Variants in DOCK10 observed in about 807,000 individuals in gnomAD.
The protein encoded by DOCK10 is dedicator of cytokinesis 10.
In DOCK10, 145 loss-of-function variants were observed where a neutral mutation model predicts 280.1. The ratio of observed to expected loss-of-function variants is 0.52; its 90% confidence interval spans 0.45 to 0.59. The LOEUF is 0.59. Among genes scored for constraint, DOCK10 ranks in the 20% least tolerant of loss-of-function variants. DOCK10 has a pLI of 0.00. For missense variants in DOCK10, 2,368 were observed against 2,651.7 expected (o/e 0.89, Z 2.35); for synonymous variants, 915 against 942.2 (o/e 0.97, Z 0.53).
At chr2:225,002,866 A>G (rs1477524338) in intron 1 of DOCK10, among the ~76,000 whole-genome samples, 1 of 152,112 alleles carries the variant, frequency 6.6e-6, no homozygotes, top group Non-Finnish European at 1.5e-5. Context: ...AGCAGGTGGC[A>G]TCTCGTCACC....
chr2:224,874,566 G>A (rs1052134865), intron 9 of DOCK10, 100 bp downstream of exon 9: 1 of 1,208,208 alleles, frequency 8.3e-7, no homozygotes, highest in Non-Finnish European at 1.2e-6. Flanking sequence ...TTAGCTTCTT[G>A]GTCTAAATCT....
At chr2:224,957,975 G>A (rs1042358172) in intron 1 of DOCK10, among the ~76,000 whole-genome samples, 4 of 152,222 alleles carry the variant, frequency 2.6e-5, no homozygotes, top group Non-Finnish European at 5.9e-5. Flanking sequence ...ATGTCATTGG[G>A]ACTGTGGTGT....
At chr2:224,994,600 C>T (rs1386800463) in intron 1 of DOCK10, among the ~76,000 whole-genome samples, 1 of 152,212 alleles carries the variant, frequency 6.6e-6, no homozygotes, top group Non-Finnish European at 1.5e-5. Context: ...TATGGTCTGA[C>T]ACTTAATCAT....
chr2:224,848,428 A>G (rs1696507564), intron 19 of DOCK10, among the ~76,000 whole-genome samples: 1 of 152,214 alleles, frequency 6.6e-6, no homozygotes, highest in South Asian at 2.1e-4. Flanking sequence ...GCTAACATGT[A>G]TATAGTAATT....
intron 1 of DOCK10, among the ~76,000 whole-genome samples, chr2:224,964,154 A>C (rs1371276588): frequency 6.6e-6 from 1 of 152,246 alleles, no homozygotes; most frequent in East Asian, 1.9e-4. Flanking sequence ...GGTGAAATTT[A>C]GATGACTGTA....
chr2:224,890,096 C>T (rs2125788019), intron 4 of DOCK10, among the ~76,000 whole-genome samples: 1 of 152,312 alleles, frequency 6.6e-6, no homozygotes. Flanking sequence ...AGTGGAATGT[C>T]AACATTTGGC....
At chr2:224,964,939 C>A (rs887443998) in intron 1 of DOCK10, among the ~76,000 whole-genome samples, 1 of 152,316 alleles carries the variant, frequency 6.6e-6, no homozygotes, top group South Asian at 2.1e-4. Context: ...GTCCACTAAA[C>A]TACCAAGTTA....
chr2:224,794,102 C>T (rs56802578), intron 45 of DOCK10, among the ~76,000 whole-genome samples: 2,754 of 152,312 alleles, frequency 0.018, 88 homozygotes, highest in African/African-American at 0.063. Context: ...GAAATTTCAT[C>T]ATTTTCAGAG....
intron 1 of DOCK10, among the ~76,000 whole-genome samples, chr2:224,960,610 A>C (rs1466910476): frequency 6.6e-6 from 1 of 151,854 alleles, no homozygotes; most frequent in East Asian, 1.9e-4. Context: ...ATACCCTTCC[A>C]TGCAACTTTA....
At chr2:224,899,954 G>A (rs1036980873) in intron 3 of DOCK10, among the ~76,000 whole-genome samples, 5 of 152,160 alleles carry the variant, frequency 3.3e-5, no homozygotes, top group East Asian at 1.9e-4. Flanking sequence ...GATCTTGGTC[G>A]AGACATTTTA....
At chr2:225,003,858 T>C (rs193229270) in intron 1 of DOCK10, among the ~76,000 whole-genome samples, 81 of 152,298 alleles carry the variant, frequency 5.3e-4, no homozygotes, top group Non-Finnish European at 8.8e-4. Context: ...ACTTGTTCAG[T>C]GGCAATTGGA....
chr2:224,770,654 A>C lies in DOCK10; in HGVS notation c.6205-9T>G. On this transcript the variant is annotated splice_polypyrimidine_tract_variant and intron_variant, in intron 53 of 55. Transcript: ENST00000258390. The surrounding 1 kb of genome is among the most constrained non-coding windows in gnomAD (Gnocchi z 4.5). ...ATTGGCCCAGCATTAACCTGTTGAGAAGAAAATTGGTGAAGGATGATCTAC... is the reference window on the plus strand; with the variant it reads ...ATTGGCCCAGCATTAACCTGTTGAGCAGAAAATTGGTGAAGGATGATCTAC... 6.2e-7 allele frequency: 1 copy of C among 1,604,638 alleles called. No individual in the cohort carries two copies. The highest frequency in any genetic ancestry group is 1.1e-5 in the South Asian group (1 of 90,862).
intron 1 of DOCK10, among the ~76,000 whole-genome samples, chr2:225,014,081 A>ATATATATATATTT (rs776104946): frequency 1.0e-5 from 1 of 96,824 alleles, no homozygotes; most frequent in South Asian, 3.6e-4. Context: ...GTCTGAATAT[A>ATATATATATATTT]TTGTTTTTTT....
At chr2:224,880,656 T>A (rs1698925989) in intron 7 of DOCK10, among the ~76,000 whole-genome samples, 1 of 152,206 alleles carries the variant, frequency 6.6e-6, no homozygotes, top group Non-Finnish European at 1.5e-5. Context: ...ATATGTCTTA[T>A]TGTCATGATA....
chr2:224,888,845 AAT>A (rs1559669958), intron 4 of DOCK10, among the ~76,000 whole-genome samples: 3 of 151,812 alleles, frequency 2.0e-5, no homozygotes, highest in Non-Finnish European at 2.9e-5. Flanking sequence ...TGTATGTGTG[AAT>A]ATATTTGTGT....
At chr2:225,000,189 G>GTC (rs1706390569) in intron 1 of DOCK10, among the ~76,000 whole-genome samples, 2 of 145,312 alleles carry the variant, frequency 1.4e-5, no homozygotes, top group Non-Finnish European at 3.0e-5. Context: ...GATCACTCAA[G>GTC]TCACACACAC....
chr2:224,990,370 G>A (rs547757245), intron 1 of DOCK10, among the ~76,000 whole-genome samples: 2 of 152,254 alleles, frequency 1.3e-5, no homozygotes, highest in African/African-American at 2.4e-5. Flanking sequence ...CTGTTGAGCT[G>A]TTTATTAACT....
At chr2:224,803,860 T>C (rs1693179475) in intron 39 of DOCK10, among the ~76,000 whole-genome samples, 1 of 152,122 alleles carries the variant, frequency 6.6e-6, no homozygotes, top group African/African-American at 2.4e-5. Flanking sequence ...GTGCTCTAAG[T>C]GCACACATAT....
intron 1 of DOCK10, among the ~76,000 whole-genome samples, chr2:225,029,614 G>T (rs1226114318): frequency 2.0e-5 from 3 of 152,232 alleles, no homozygotes; most frequent in South Asian, 2.1e-4. Flanking sequence ...CCAGCAGAAA[G>T]AATTTTTAGG....
Sources: allele counts gnomAD v4.1 joint callset (sites outside exome capture counted in the v4.1 genomes callset), GRCh38; gene constraint gnomAD v4.1.1; non-coding constraint Gnocchi (gnomAD v3.1); transcripts MANE v1.5; gene names NCBI Gene and HGNC (gene_info 2026-07-23, HGNC 2026-07-21).